NAV3: variants seen among roughly 807,000 people sequenced by gnomAD.
The protein encoded by NAV3 is pore membrane and/or filament interacting like protein 1.
In NAV3, 87 loss-of-function variants were observed where a neutral mutation model predicts 244.7. The observed-to-expected ratio is 0.36, with a 90% confidence interval of 0.30 to 0.42. The LOEUF (loss-of-function observed/expected upper bound fraction) is 0.42. Among genes scored for constraint, NAV3 ranks in the 20% least tolerant of loss-of-function variants. NAV3 has a pLI of 1.00. For synonymous variants in NAV3, 1,126 were observed against 1,042.2 expected, an observed-to-expected ratio of 1.08 and a Z score of -1.55; for missense variants, 2,663 against 2,893.3, an observed-to-expected ratio of 0.92 and a Z score of 1.83.
At chr12:77,946,554 A>C (rs1890368664) in intron 3 of NAV3, among the ~76,000 whole-genome samples, 1 of 152,110 alleles carries the variant, frequency 6.6e-6, no homozygotes, top group Non-Finnish European at 1.5e-5. Flanking sequence ...CTTAGTCAAC[A>C]CTAAATTTAA....
intron 6 of NAV3, among the ~76,000 whole-genome samples, chr12:77,995,691 C>T (rs567852836): frequency 1.3e-5 from 2 of 152,188 alleles, no homozygotes; most frequent in African/African-American, 4.8e-5. Flanking sequence ...GTGTCTTTCC[C>T]CTTGCCTTGG....
intron 8 of NAV3, among the ~76,000 whole-genome samples, chr12:78,016,380 C>T (rs895779071): frequency 2.0e-5 from 3 of 152,012 alleles, no homozygotes; most frequent in African/African-American, 7.2e-5. Flanking sequence ...AACTCAACAC[C>T]ACAGTTTATT....
intron 2 of NAV3, among the ~76,000 whole-genome samples, chr12:77,631,808 A>C (rs914774291): frequency 6.6e-6 from 1 of 152,236 alleles, no homozygotes; most frequent in African/African-American, 2.4e-5. Context: ...GGGCACAGAG[A>C]GGTCAAGCAA....
At chr12:77,577,198 C>G (rs1191223789) in intron 2 of NAV3, among the ~76,000 whole-genome samples, 1 of 152,172 alleles carries the variant, frequency 6.6e-6, no homozygotes, top group Non-Finnish European at 1.5e-5. Context: ...ATTTCTACCT[C>G]TGCTTCATAC....
chr12:77,657,002 A>G (rs1245036965), intron 2 of NAV3, among the ~76,000 whole-genome samples: 1 of 152,248 alleles, frequency 6.6e-6, no homozygotes, highest in Non-Finnish European at 1.5e-5. Context: ...CAAAAGAGAA[A>G]GCAGGAAAGA....
intron 1 of NAV3, among the ~76,000 whole-genome samples, chr12:77,897,693 T>C (rs1884786339): frequency 6.6e-6 from 1 of 151,986 alleles, no homozygotes; most frequent in South Asian, 2.1e-4. Context: ...ATTTTGTCTT[T>C]TTTTTTTTTC....
intron 2 of NAV3, among the ~76,000 whole-genome samples, chr12:77,622,252 T>C (rs572529200): frequency 2.0e-5 from 3 of 152,144 alleles, no homozygotes; most frequent in South Asian, 2.1e-4. Context: ...CTCCGCCTCC[T>C]GGGTTCATGC....
At chr12:77,609,188 C>T (rs1870802451) in intron 2 of NAV3, among the ~76,000 whole-genome samples, 1 of 151,990 alleles carries the variant, frequency 6.6e-6, no homozygotes, top group Admixed American at 6.6e-5. Context: ...TGTCATGCTT[C>T]AATTAAAGAA....
At chr12:77,594,097 GTAACAACAACAAAAAAC>G (rs1870053564) in intron 2 of NAV3, among the ~76,000 whole-genome samples, 1 of 151,982 alleles carries the variant, frequency 6.6e-6, no homozygotes, top group Non-Finnish European at 1.5e-5. Flanking sequence ...CATGCTTCTT[GTAACAACAACAAAAAAC>G]CCTAATAAAT....
chr12:78,188,272 A>G lies in NAV3; in HGVS notation c.5815A>G (p.Ile1939Val). ...AKDQKSQAYLIGSIGVSGKTK... is the reference protein window; with the variant it reads ...AKDQKSQAYLVGSIGVSGKTK... The stretch of plus-strand genomic sequence containing the variant: ...GGACCAAAAATCTCAGGCATATTTG[A>G]TAGGATCCATTGGTGTTAGTGGAAA... Residue 1939 changes from isoleucine to valine, a missense_variant, in exon 32 of 40, where the codon ATA (isoleucine) becomes GTA (valine). By Grantham distance (29) the Ile-to-Val change is conservative (BLOSUM62 3). Transcript: ENST00000397909. 6.2e-7 allele frequency: 1 copy of G among 1,611,288 alleles called. No homozygotes were observed. Among genetic ancestry groups the G allele is most frequent in the Non-Finnish European group, 8.5e-7 (1 of 1,178,136 alleles).
chr12:78,201,493 C>T (rs1018790357), intron 38 of NAV3, among the ~76,000 whole-genome samples: 5 of 151,848 alleles, frequency 3.3e-5, no homozygotes, highest in African/African-American at 1.2e-4. Flanking sequence ...TTTGCTCTTC[C>T]TTTCATGTGC....
At chr12:78,167,138 A>C (rs963825546) in intron 23 of NAV3, among the ~76,000 whole-genome samples, 1 of 151,858 alleles carries the variant, frequency 6.6e-6, no homozygotes, top group Non-Finnish European at 1.5e-5. Context: ...GTTTCGGTAA[A>C]ATCTGTTGCT....
chr12:77,853,560 A>T (rs986605545), intron 1 of NAV3, among the ~76,000 whole-genome samples: 3 of 152,196 alleles, frequency 2.0e-5, no homozygotes, highest in Non-Finnish European at 4.4e-5. Context: ...TCTATGCAAA[A>T]AGCACTATTT....
At chr12:77,858,037 T>C (rs1878660941) in intron 1 of NAV3, among the ~76,000 whole-genome samples, 1 of 152,054 alleles carries the variant, frequency 6.6e-6, no homozygotes, top group Admixed American at 6.6e-5. Flanking sequence ...TGAGACAAAA[T>C]ACAATCCATA....
intron 19 of NAV3, among the ~76,000 whole-genome samples, chr12:78,139,479 A>G (rs1005561037): frequency 6.6e-5 from 10 of 152,190 alleles, no homozygotes; most frequent in Admixed American, 1.3e-4. Flanking sequence ...AGCTTGTCAC[A>G]TCGTTCATAC....
At chr12:78,192,390 AT>A (rs1959021004) in intron 34 of NAV3, among the ~76,000 whole-genome samples, 1 of 150,956 alleles carries the variant, frequency 6.6e-6, no homozygotes, top group Non-Finnish European at 1.5e-5. Flanking sequence ...TTTATTTTTT[AT>A]TATTTTATTT....
chr12:78,034,247 A>G (rs1473812874), intron 9 of NAV3, among the ~76,000 whole-genome samples: 2 of 152,224 alleles, frequency 1.3e-5, no homozygotes, highest in African/African-American at 2.4e-5. Flanking sequence ...CACAGTTGTG[A>G]TAACGAAAAA....
Position 77,766,754 on chromosome 12 carries a change from T to G in NAV3, c.73-173565T>G, listed in dbSNP as rs1398172415. 1.1e-4 allele frequency among the ~76,000 whole-genome samples: 14 copies of G among 122,718 alleles called. 1 individual carries two copies. In the East Asian group the frequency reaches 1.7e-3, roughly 15 times the overall value. 80.5% of individuals were successfully genotyped at this position (122,718 alleles called of 152,430 possible). A position where few individuals can be genotyped will look rare whatever the true frequency, so the allele number is the denominator to read the frequency against. ...AATTAAGTTTTTTTTTTTTTTTTTT[T>G]TTTTTTTTTTTTTTTTTGAGACGGA... On this transcript the variant is annotated intron_variant, in intron 2 of 8. Coordinates refer to the NAV3 transcript ENST00000550042.
intron 2 of NAV3, among the ~76,000 whole-genome samples, chr12:77,733,834 A>ATTTTTTTTTTTTTTTTTTT: frequency 8.1e-6 from 1 of 124,216 alleles, no homozygotes; most frequent in Non-Finnish European, 1.7e-5. Context: ...CTTGGTTTAG[A>ATTTTTTTTTTTTTTTTTTT]TTTTTTTTTT....
Sources: gnomAD v4.1 joint callset for allele counts (sites outside exome capture counted in the v4.1 genomes callset) on GRCh38, gnomAD v4.1.1 for gene constraint, MANE v1.5 for transcripts, NCBI Gene and HGNC (gene_info 2026-07-23, HGNC 2026-07-21) for gene names.